PDE7B: variants seen among roughly 807,000 people sequenced by gnomAD.
The protein encoded by PDE7B is 3',5'-cyclic-AMP phosphodiesterase 7B.
A neutral mutation model predicts 56.2 loss-of-function variants in PDE7B; 29 were observed. The ratio of observed to expected loss-of-function variants is 0.52; its 90% confidence interval spans 0.38 to 0.70. PDE7B has a LOEUF of 0.70. PDE7B is among the 30% of genes least tolerant of loss of function. PDE7B has a pLI of 0.00. For synonymous variants in PDE7B, 197 were observed against 196.9 expected, an observed-to-expected ratio of 1.00 and a Z score of 0.00; for missense variants, 490 against 565.0, an observed-to-expected ratio of 0.87 and a Z score of 1.35.
rs1268815995 is a variant in PDE7B, at chr6:135,934,940, T to TATAAATATTTATTTA, written c.22-12523_22-12522insTAAATATTTATTTAA. 1.6e-3 allele frequency among the ~76,000 whole-genome samples: 112 copies of TATAAATATTTATTTA among 70,570 alleles called. 3 individuals are homozygous for TATAAATATTTATTTA. Among genetic ancestry groups the TATAAATATTTATTTA allele is most frequent in the South Asian group, 2.2e-3 (6 of 2,744 alleles). 46.3% of individuals were successfully genotyped at this position (70,570 alleles called of 152,430 possible). On this transcript the variant is annotated intron_variant, in intron 1 of 12. Transcript: ENST00000308191. ...TTATTTAAATATATATTTAAATATA[T>TATAAATATTTATTTA]AATATATATTTATATATAATATATA...
At chr6:136,176,064 G>A (rs150773150) in intron 9 of PDE7B, among the ~76,000 whole-genome samples, 12 of 151,868 alleles carry the variant, frequency 7.9e-5, no homozygotes, top group South Asian at 4.1e-4. Context: ...GAAATTTTTC[G>A]TATATTTGCT....
rs1775849376 is a variant in PDE7B, at chr6:136,009,424, G to A, written c.82+61900G>A. The stretch of plus-strand genomic sequence containing the variant: ...GCATTGAATCTATAAATTACCTTGG[G>A]CAGTATGGCCATTTTCACGATATTG... On this transcript the variant is annotated intron_variant, in intron 2 of 12. Transcript: ENST00000308191. Among the ~76,000 whole-genome samples, 2 of 152,158 alleles carry A rather than the reference G, an allele frequency of 1.3e-5. 1 individual carries two copies. Among genetic ancestry groups the A allele is most frequent in the Middle Eastern group, 6.8e-3 (2 of 294 alleles).
At chr6:135,992,784 A>G (rs1451595196) in intron 2 of PDE7B, among the ~76,000 whole-genome samples, 1 of 152,232 alleles carries the variant, frequency 6.6e-6, no homozygotes, top group African/African-American at 2.4e-5. Flanking sequence ...TGGAAAGAAC[A>G]CACTTAATAA....
At chr6:136,106,301 T>C (rs889190658) in intron 2 of PDE7B, among the ~76,000 whole-genome samples, 1 of 152,260 alleles carries the variant, frequency 6.6e-6, no homozygotes, top group Non-Finnish European at 1.5e-5. Flanking sequence ...ATTTTCTCAA[T>C]TGATATTAAA....
At chr6:135,852,441 A>C (rs1562409966) in intron 1 of PDE7B, among the ~76,000 whole-genome samples, 1 of 152,178 alleles carries the variant, frequency 6.6e-6, no homozygotes, top group Non-Finnish European at 1.5e-5. Flanking sequence ...AACAGGGAAG[A>C]AGGAAATTAG....
intron 1 of PDE7B, among the ~76,000 whole-genome samples, chr6:135,902,515 G>T (rs1776022352): frequency 6.8e-6 from 1 of 147,174 alleles, no homozygotes; most frequent in Non-Finnish European, 1.5e-5. Flanking sequence ...GAATATTTGA[G>T]ATTTTGAGCA....
At chr6:135,961,271 GTGTGTGTGTA>G (rs376565907) in intron 2 of PDE7B, among the ~76,000 whole-genome samples, 11,685 of 141,534 alleles carry the variant, frequency 0.083, 536 homozygotes, top group Middle Eastern at 0.13. Flanking sequence ...GTGTGTGTGT[GTGTGTGTGTA>G]TGTGTGTGTG....
intron 11 of PDE7B, among the ~76,000 whole-genome samples, chr6:136,184,613 C>T (rs1779116825): frequency 6.6e-6 from 1 of 152,078 alleles, no homozygotes; most frequent in Non-Finnish European, 1.5e-5. Flanking sequence ...CGGGATGCAC[C>T]CTGCCTTGTA....
chr6:136,040,021 T>A (rs1160191943), intron 2 of PDE7B, among the ~76,000 whole-genome samples: 2 of 152,230 alleles, frequency 1.3e-5, no homozygotes, highest in Non-Finnish European at 2.9e-5. Context: ...TTAGTGAACA[T>A]CTAATTCCTG....
intron 3 of PDE7B, among the ~76,000 whole-genome samples, chr6:136,127,739 G>A (rs538287500): frequency 1.3e-5 from 2 of 152,162 alleles, no homozygotes; most frequent in African/African-American, 2.4e-5. Context: ...GCCTCTCAGG[G>A]CTGCAAATTT....
chr6:135,891,593 C>T (rs908288780), intron 1 of PDE7B, among the ~76,000 whole-genome samples: 8 of 152,174 alleles, frequency 5.3e-5, no homozygotes, highest in African/African-American at 1.9e-4. Context: ...GTGGTCCACG[C>T]CAGAATCATC....
chr6:136,096,276 T>C (rs958293998), intron 2 of PDE7B: 1 of 152,210 alleles, frequency 6.6e-6, no homozygotes, highest in African/African-American at 2.4e-5. Flanking sequence ...TTGCAGTATT[T>C]GGCAAGTTTG....
intron 2 of PDE7B, among the ~76,000 whole-genome samples, chr6:136,053,638 A>T (rs1037858773): frequency 5.3e-5 from 8 of 152,136 alleles, no homozygotes; most frequent in Non-Finnish European, 1.2e-4. Flanking sequence ...CACCACACTG[A>T]CTTCCACAAT....
chr6:136,119,373 C>A (rs925398121), intron 3 of PDE7B, among the ~76,000 whole-genome samples: 12 of 151,854 alleles, frequency 7.9e-5, no homozygotes, highest in Admixed American at 7.9e-4. Context: ...CTTTTATAAT[C>A]AGAAAAAAAT....
intron 1 of PDE7B, among the ~76,000 whole-genome samples, chr6:135,924,725 A>C (rs1339260376): frequency 2.7e-5 from 4 of 148,348 alleles, no homozygotes; most frequent in Admixed American, 1.4e-4. Context: ...CCAATAAATG[A>C]AAGAGATCAA....
At chr6:136,104,338 T>G (rs1777613670) in intron 2 of PDE7B, among the ~76,000 whole-genome samples, 1 of 152,168 alleles carries the variant, frequency 6.6e-6, no homozygotes, top group Non-Finnish European at 1.5e-5. Flanking sequence ...ACAAGTTGCT[T>G]AAGTTAAACA....
At chr6:136,013,167 T>A (rs1044543394) in intron 2 of PDE7B, among the ~76,000 whole-genome samples, 2 of 152,230 alleles carry the variant, frequency 1.3e-5, no homozygotes, top group African/African-American at 4.8e-5. Context: ...TTAAAATTCC[T>A]ATGTGTATGT....
rs985185443 is a variant in PDE7B, at chr6:136,193,946, G to C, written c.*2106G>C. 1.3e-5 allele frequency: 2 copies of C among 152,246 alleles called. No individual in the cohort carries two copies. Among genetic ancestry groups the C allele is most frequent in the African/African-American group, 4.8e-5 (2 of 41,540 alleles). The allele number at this position is 152,246 out of a possible 1,614,324, so 9.4% of individuals were successfully genotyped here. ...GAAATTATTGATGTGGGTAAGAAGG[G>C]AGGTTGTGGAAAGTTAACACTAGCT... On this transcript the variant is annotated 3_prime_UTR_variant, in exon 13 of 13. Coordinates refer to ENST00000308191, the MANE Select transcript of PDE7B (RefSeq NM_018945.4).
At chr6:136,077,482 GT>G (rs1489107499) in intron 2 of PDE7B, among the ~76,000 whole-genome samples, 1 of 151,366 alleles carries the variant, frequency 6.6e-6, no homozygotes, top group Non-Finnish European at 1.5e-5. Context: ...AAAGGGAAAT[GT>G]TTTGGATCAT....
Sources: allele counts gnomAD v4.1 joint callset (sites outside exome capture counted in the v4.1 genomes callset), GRCh38; gene constraint gnomAD v4.1.1; transcripts MANE v1.5; gene names NCBI Gene and HGNC (gene_info 2026-07-23, HGNC 2026-07-21).